Variants in MAD1L1 observed in about 807,000 individuals in gnomAD.
MAD1L1 encodes mitotic spindle assembly checkpoint protein MAD1.
In MAD1L1, 95 loss-of-function variants were observed where a neutral mutation model predicts 96.9. The ratio of observed to expected loss-of-function variants is 0.98; its 90% CI spans 0.83 to 1.16. The LOEUF (loss-of-function observed/expected upper bound fraction) is 1.16, where lower values mean the gene tolerates loss of function less well. Among genes scored for constraint, MAD1L1 ranks in the 50% most tolerant of loss-of-function variants. The pLI, the probability that MAD1L1 is intolerant of heterozygous loss-of-function variation, is 0.00. For missense variants in MAD1L1, 1,007 were observed against 954.4 expected, an observed-to-expected ratio of 1.06 and a Z score of -0.73; for synonymous variants, 473 against 396.6, an observed-to-expected ratio of 1.19 and a Z score of -2.29.
chr7:2,221,310 G>C (rs894048313), intron 5 of MAD1L1, among the ~76,000 whole-genome samples: 1 of 152,134 alleles, frequency 6.6e-6, no homozygotes, highest in African/African-American at 2.4e-5. Context: ...CAGCACATGG[G>C]AACTGGAACC....
At chr7:1,891,066 C>A (rs1358870415) in intron 18 of MAD1L1, among the ~76,000 whole-genome samples, 1 of 152,082 alleles carries the variant, frequency 6.6e-6, no homozygotes, top group Non-Finnish European at 1.5e-5. Flanking sequence ...GCAGGGGCAG[C>A]AAGGATGGGC....
intron 12 of MAD1L1, among the ~76,000 whole-genome samples, chr7:2,029,591 G>C (rs1783129506): frequency 6.6e-6 from 1 of 151,846 alleles, no homozygotes; most frequent in South Asian, 2.1e-4. Flanking sequence ...TTTTTAAACG[G>C]AACTCCATAA....
intron 18 of MAD1L1, among the ~76,000 whole-genome samples, chr7:1,817,924 G>A (rs1484873853): frequency 6.6e-6 from 1 of 151,934 alleles, no homozygotes; most frequent in Non-Finnish European, 1.5e-5. Context: ...TGCCCCAGAG[G>A]CCCTGCGACC....
chr7:1,976,449 C>T (rs898875472), intron 15 of MAD1L1, among the ~76,000 whole-genome samples: 3 of 152,172 alleles, frequency 2.0e-5, no homozygotes, highest in Non-Finnish European at 4.4e-5. Context: ...TTGTTCGTTC[C>T]TCCCAGTGGG....
intron 16 of MAD1L1, among the ~76,000 whole-genome samples, chr7:1,950,913 C>G (rs1225553660): frequency 6.6e-6 from 1 of 152,252 alleles, no homozygotes; most frequent in East Asian, 1.9e-4. Flanking sequence ...ACCTGAGCTC[C>G]CACCACGGCA....
intron 11 of MAD1L1, among the ~76,000 whole-genome samples, chr7:2,070,349 C>A (rs1785065635): frequency 1.3e-5 from 2 of 152,232 alleles, no homozygotes; most frequent in African/African-American, 4.8e-5. Flanking sequence ...GAGAGGCTGT[C>A]CCAGGGAGAG....
chr7:2,022,896 C>G (rs1427918990), intron 12 of MAD1L1, among the ~76,000 whole-genome samples: 3 of 152,132 alleles, frequency 2.0e-5, no homozygotes, highest in Admixed American at 2.0e-4. Flanking sequence ...AACGGTGGAG[C>G]AGCTTGATCA....
At chr7:2,228,808 T>G (rs1001270779) in intron 3 of MAD1L1, among the ~76,000 whole-genome samples, 3 of 151,244 alleles carry the variant, frequency 2.0e-5, no homozygotes, top group Non-Finnish European at 4.4e-5. Flanking sequence ...TGGCGCAATC[T>G]CAGCTCACTG....
chr7:2,089,097 G>A (rs1347231680), intron 11 of MAD1L1: 1 of 152,430 alleles, frequency 6.6e-6, no homozygotes, highest in East Asian at 1.9e-4. Context: ...GGCCGACTCG[G>A]GCCCTGCTGT....
chr7:1,839,883 C>G (rs1481244533), intron 18 of MAD1L1, among the ~76,000 whole-genome samples: 1 of 152,192 alleles, frequency 6.6e-6, no homozygotes, highest in Non-Finnish European at 1.5e-5. Context: ...AGGGCCCAGG[C>G]TCCCCGCCTC....
At chr7:2,081,434 C>T (rs929420804) in intron 11 of MAD1L1, among the ~76,000 whole-genome samples, 6 of 152,246 alleles carry the variant, frequency 3.9e-5, no homozygotes, top group Admixed American at 1.3e-4. Flanking sequence ...CGCCATCGTG[C>T]GACCCGGGAA....
rs376693829 is a variant in MAD1L1, at chr7:1,895,904, A to C, written c.1998+2296T>G. Reference sequence around the variant, plus strand: ...GGAAAGAAGGGACAGCAAGGGCTGGAGGATGGGCAGTGAGGGGGCGGCCTG... The same window carrying C: ...GGAAAGAAGGGACAGCAAGGGCTGGCGGATGGGCAGTGAGGGGGCGGCCTG... On this transcript the variant is annotated intron_variant, in intron 18 of 18. Transcript: ENST00000265854. Among the ~76,000 whole-genome samples the C allele has an allele frequency of 1.3e-3, 201 of 152,348 alleles. 6 individuals are homozygous for C. The South Asian group carries it at 0.039, about 30-fold the overall frequency.
intron 10 of MAD1L1, among the ~76,000 whole-genome samples, chr7:2,210,450 T>TGCGGCATGAGCA (rs1562375185): frequency 7.4e-6 from 1 of 134,838 alleles, no homozygotes; most frequent in Non-Finnish European, 1.7e-5. Flanking sequence ...TCCCGTGGAC[T>TGCGGCATGAGCA]CTCTAGGAGC....
chr7:2,120,439 C>T (rs1037503248), intron 11 of MAD1L1, among the ~76,000 whole-genome samples: 8 of 152,220 alleles, frequency 5.3e-5, no homozygotes, highest in Admixed American at 2.0e-4. Flanking sequence ...AGCCTGGGGG[C>T]GCAGCCTTGG....
rs958377415 is a variant in MAD1L1 at position 2,142,131 on chromosome 7, C to T, written c.1073+7021G>A. ...TGTCCCTCACATTTCCCCAAAAACC[C>T]GCTCACTGGGGCTATCCTACAGACA... is the stretch of plus-strand genomic sequence containing the variant. On this transcript the variant is annotated intron_variant, in intron 11 of 18. Transcript: ENST00000265854. The surrounding 1 kb of genome is among the most constrained non-coding windows in gnomAD (Gnocchi z 4.7). 1.3e-5 allele frequency among the ~76,000 whole-genome samples: 2 copies of T among 152,296 alleles called. No individual in the cohort carries two copies. The highest frequency in any genetic ancestry group is 1.5e-5 in the Non-Finnish European group (1 of 68,018).
chr7:1,977,099 A>T (rs1780677922), intron 15 of MAD1L1, among the ~76,000 whole-genome samples: 1 of 152,222 alleles, frequency 6.6e-6, no homozygotes, highest in African/African-American at 2.4e-5. Context: ...TGCCAGTCCC[A>T]CGTCACACGC....
intron 12 of MAD1L1, among the ~76,000 whole-genome samples, chr7:2,038,813 G>C (rs1406302304): frequency 6.6e-6 from 1 of 151,946 alleles, no homozygotes; most frequent in Non-Finnish European, 1.5e-5. Flanking sequence ...TACTGTGCCT[G>C]ATCTAAGCTT....
At chr7:2,186,110 T>G (rs533205102) in intron 10 of MAD1L1, among the ~76,000 whole-genome samples, 1 of 152,326 alleles carries the variant, frequency 6.6e-6, no homozygotes, top group South Asian at 2.1e-4. Context: ...ATGGGCAATC[T>G]TAAGTACTGT....
chr7:1,994,037 A>G (rs1194378586), intron 14 of MAD1L1, among the ~76,000 whole-genome samples: 2 of 152,216 alleles, frequency 1.3e-5, no homozygotes, highest in Non-Finnish European at 2.9e-5. Flanking sequence ...ACTCTCCACC[A>G]CTGCCGGTGC....
Sources: gnomAD v4.1 joint callset for allele counts (sites outside exome capture counted in the v4.1 genomes callset) on GRCh38, gnomAD v4.1.1 for gene constraint, Gnocchi (gnomAD v3.1) non-coding constraint, MANE v1.5 for transcripts, NCBI Gene and HGNC (gene_info 2026-07-23, HGNC 2026-07-21) for gene names.